Variants in ZZEF1 observed in about 807,000 individuals in gnomAD.
The protein encoded by ZZEF1 is zinc finger ZZ-type and EF-hand domain-containing protein 1.
ZZEF1 carries 157 observed loss-of-function variants against 342.8 expected under a neutral mutation model. That is an observed-to-expected ratio of 0.46 (90% CI 0.40 to 0.52). ZZEF1 has a LOEUF of 0.52. Among genes scored for constraint, ZZEF1 ranks in the 20% least tolerant of loss-of-function variants. The pLI is 0.00. For synonymous variants in ZZEF1, 1,505 were observed against 1,429.1 expected (o/e 1.05, Z -1.20); for missense variants, 3,480 against 3,725.6 (o/e 0.93, Z 1.72).
Position 4,109,781 on chromosome 17 carries a change from T to A in ZZEF1, c.1149A>T (p.Arg383Ser). 1 of 1,614,158 alleles carries A rather than the reference T, an allele frequency of 6.2e-7. No individual in the cohort carries two copies. Among genetic ancestry groups the A allele is most frequent in the Non-Finnish European group, 8.5e-7 (1 of 1,180,024 alleles). ...AGACTGAGACCCCAGACTTCTTAAC[T>A]CTCTGAAAGCCAACAGCCCTGAGAC... ...IHGLRAVGFQ[R>S]VKKSGVSVSD... The change falls in exon 6 of 55, where the codon AGA (arginine) becomes AGT (serine). Residue 383 changes from arginine (R) to serine (S), a missense_variant. This residue lies in a region of ZZEF1 where 1,528 missense variants were observed against 1,624.1 expected (regional missense o/e 0.94). Transcript: ENST00000381638.
At chr17:4,088,995 G>A (rs778657224) in intron 12 of ZZEF1, 102 bp from the exon 13 acceptor site, 42 of 1,073,984 alleles carry the variant, frequency 3.9e-5, no homozygotes, top group Non-Finnish European at 5.4e-5. Context: ...TATGATTTTC[G>A]TAATTTATTA....
Position 4,142,682 on chromosome 17 carries a change from G to C in ZZEF1, c.214C>G (p.Leu72Val). 6.2e-7 allele frequency: 1 copy of C among 1,606,684 alleles called. No homozygotes were observed. Among genetic ancestry groups the C allele is most frequent in the South Asian group, 1.1e-5 (1 of 90,956 alleles). Residue 72 changes from leucine to valine, a missense_variant, in exon 1 of 55, where the codon CTG (leucine) becomes GTG (valine). Physicochemically the swap from Leu to Val is conservative, Grantham distance 32. This residue lies in a region of ZZEF1 where 416 missense variants were observed against 374.2 expected (regional missense o/e 1.11). Coordinates refer to ENST00000381638, the MANE Select transcript of ZZEF1 (RefSeq NM_015113.4). The stretch of plus-strand genomic sequence containing the variant: ...AACGCGCCGCGATGCCTCGACACCA[G>C]CGACTCGCAGGGGGGTGTGGGCAGC... ...ALLPTPPCES[L>V]VSRHRGALFR...
At chr17:4,113,695 C>T (rs952342276) in intron 4 of ZZEF1, among the ~76,000 whole-genome samples, 1 of 149,790 alleles carries the variant, frequency 6.7e-6, no homozygotes, top group Non-Finnish European at 1.5e-5. Flanking sequence ...AGAAAGGGAC[C>T]GGGTGCAGTG....
intron 32 of ZZEF1, 69 bp from the exon 33 acceptor site, chr17:4,056,414 A>G (rs2057160348): frequency 6.8e-7 from 1 of 1,478,552 alleles, no homozygotes; most frequent in East Asian, 2.4e-5. Context: ...TGGTTAGCAG[A>G]CCCTGTGTCT....
intron 21 of ZZEF1, 163 bp downstream of exon 21, chr17:4,076,474 G>C (rs2057623361): frequency 2.2e-6 from 2 of 889,260 alleles, no homozygotes; most frequent in Non-Finnish European, 1.6e-6. Flanking sequence ...ACATCGACTT[G>C]GACTGACATT....
At chr17:4,033,118 C>T in intron 40 of ZZEF1, 116 bp from the exon 41 acceptor site, 1 of 969,808 alleles carries the variant, frequency 1.0e-6, no homozygotes, top group Non-Finnish European at 1.5e-6. Flanking sequence ...CATTAACTAG[C>T]TTAAAAACTA....
rs781709310 is a variant in ZZEF1 at position 4,142,758 on chromosome 17, G to A, written c.138C>T (p.Pro46=). 5.4e-6 allele frequency: 8 copies of A among 1,472,692 alleles called. No homozygotes were observed. Among genetic ancestry groups the A allele is most frequent in the South Asian group, 2.6e-5 (2 of 75,864 alleles). The allele number at this position is 1,472,692 out of a possible 1,614,324, so 91.2% of individuals were successfully genotyped here. A position where few individuals can be genotyped will look rare whatever the true frequency, so the allele number is the denominator to read the frequency against. ...TGGCCGGCTCCAGCAGCGCCGCGGC[G>A]GGTGGTAGCGCTGGAGCCGCGACGC... ...GPGVAAPALP[P]AAALLEPARL... is the part of the protein sequence containing the mutation. The change falls in exon 1 of 55, where the codon CCC becomes CCT. Residue 46 remains proline (P), a synonymous_variant. Coordinates refer to ENST00000381638, the MANE Select transcript of ZZEF1 (RefSeq NM_015113.4).
chr17:4,064,941 T>C (rs950328861), intron 28 of ZZEF1, 112 bp from the exon 29 acceptor site: 1 of 758,024 alleles, frequency 1.3e-6, no homozygotes. Flanking sequence ...GATGAGTTAA[T>C]GGGTGCAGCA....
intron 9 of ZZEF1, among the ~76,000 whole-genome samples, chr17:4,097,477 G>GAAAAAAAAAAAAAA (rs1174680383): frequency 7.2e-5 from 1 of 13,858 alleles, no homozygotes; most frequent in Non-Finnish European, 4.7e-4. Context: ...TTTGAAATGG[G>GAAAAAAAAAAAAAA]AAAAAAAAAA....
chr17:4,090,509 T>C (rs1053522131), intron 12 of ZZEF1, among the ~76,000 whole-genome samples: 3 of 152,212 alleles, frequency 2.0e-5, no homozygotes, highest in African/African-American at 7.2e-5. Flanking sequence ...TACATATTTT[T>C]CCCCTGGTTG....
chr17:4,044,123 C>A (rs758116093), intron 38 of ZZEF1, 101 bp downstream of exon 38: 3 of 1,320,730 alleles, frequency 2.3e-6, no homozygotes, highest in Non-Finnish European at 2.1e-6. Context: ...GCACCCCTGG[C>A]GTCTAGCCAA....
intron 43 of ZZEF1, among the ~76,000 whole-genome samples, chr17:4,024,501 C>T (rs557302737): frequency 3.9e-5 from 6 of 152,172 alleles, no homozygotes; most frequent in African/African-American, 1.4e-4. Flanking sequence ...GCCTGGCCAT[C>T]GCCCAGCTTT....
At chr17:4,081,563 A>G (rs1406203115) in intron 17 of ZZEF1, 73 bp from the exon 18 acceptor site, 5 of 1,294,508 alleles carry the variant, frequency 3.9e-6, no homozygotes, top group African/African-American at 1.5e-5. Flanking sequence ...AAAGATTCCA[A>G]AACAGAGCGC....
chr17:4,007,774 G>A (rs1264727091), intron 54 of ZZEF1, among the ~76,000 whole-genome samples: 2 of 152,234 alleles, frequency 1.3e-5, no homozygotes, highest in African/African-American at 2.4e-5. Context: ...TTCCACTTCC[G>A]AGCGTACACG....
intron 1 of ZZEF1, among the ~76,000 whole-genome samples, chr17:4,131,911 G>A (rs2058668132): frequency 1.3e-5 from 2 of 152,158 alleles, no homozygotes; most frequent in Non-Finnish European, 2.9e-5. Context: ...GACAGGGGAC[G>A]TGCATGCATG....
At chr17:4,097,129 C>T (rs938874172) in intron 9 of ZZEF1, among the ~76,000 whole-genome samples, 1 of 151,738 alleles carries the variant, frequency 6.6e-6, no homozygotes, top group East Asian at 1.9e-4. Flanking sequence ...GGTGTGGTGG[C>T]GGGCGCCTGT....
intron 6 of ZZEF1, among the ~76,000 whole-genome samples, chr17:4,107,051 C>A (rs1321968196): frequency 6.6e-6 from 1 of 152,204 alleles, no homozygotes; most frequent in Admixed American, 6.5e-5. Context: ...AGGTTTAATG[C>A]ACACAAGTAG....
At chr17:4,086,896 T>C (rs2057841478) in intron 14 of ZZEF1, among the ~76,000 whole-genome samples, 1 of 152,194 alleles carries the variant, frequency 6.6e-6, no homozygotes, top group Non-Finnish European at 1.5e-5. Flanking sequence ...TTTGTTGTTG[T>C]TGTTGAGACC....
At chr17:4,072,437 CCT>C (rs2057527559) in intron 25 of ZZEF1, among the ~76,000 whole-genome samples, 169 bp downstream of exon 25, 1 of 152,298 alleles carries the variant, frequency 6.6e-6, no homozygotes, top group South Asian at 2.1e-4. Context: ...CGCACTGGCC[CCT>C]GTGGGACACG....
Sources: gnomAD v4.1 joint callset for allele counts (sites outside exome capture counted in the v4.1 genomes callset) on GRCh38, gnomAD v4.1.1 for gene constraint, gnomAD v4.1.1 regional missense constraint, MANE v1.5 for transcripts, NCBI Gene and HGNC (gene_info 2026-07-23, HGNC 2026-07-21) for gene names.